FYB1: variants seen among roughly 807,000 people sequenced by gnomAD.
FYB1 encodes the protein FYN binding protein 1.
FYB1 carries 41 observed loss-of-function variants against 94.1 expected under a neutral mutation model. That is an observed-to-expected ratio of 0.44 (90% CI 0.34 to 0.57). FYB1 has a LOEUF of 0.57. Among genes scored for constraint, FYB1 ranks in the 20% least tolerant of loss-of-function variants. The probability of loss-of-function intolerance (pLI) is 0.02; values close to 1 mark genes in which losing one functional copy is unlikely to be tolerated. For synonymous variants in FYB1, 367 were observed against 353.2 expected, an observed-to-expected ratio of 1.04 and a Z score of -0.44; for missense variants, 1,050 against 976.8, an observed-to-expected ratio of 1.07 and a Z score of -1.00.
intron 1 of FYB1, among the ~76,000 whole-genome samples, chr5:39,225,246 A>T (rs1264027695): frequency 6.6e-6 from 1 of 152,174 alleles, no homozygotes; most frequent in Non-Finnish European, 1.5e-5. Context: ...ATATGTGTGT[A>T]TGGTGTGTAT....
At chr5:39,150,045 GT>G (rs1743102209) in intron 3 of FYB1, among the ~76,000 whole-genome samples, 1 of 152,006 alleles carries the variant, frequency 6.6e-6, no homozygotes, top group South Asian at 2.1e-4. Context: ...CCTCACCTTT[GT>G]TAAACAAAAC....
chr5:39,269,715 C>G (rs1752593646), intron 1 of FYB1: 1 of 152,214 alleles, frequency 6.6e-6, no homozygotes, highest in Admixed American at 6.5e-5. Context: ...TGAGCAAGCA[C>G]AGGAGTCATC....
chr5:39,265,175 A>G (rs1752376162), intron 1 of FYB1, among the ~76,000 whole-genome samples: 1 of 151,950 alleles, frequency 6.6e-6, no homozygotes, highest in African/African-American at 2.4e-5. Flanking sequence ...ATCTCTACCA[A>G]AAATACAAAA....
intron 1 of FYB1, among the ~76,000 whole-genome samples, chr5:39,207,325 G>A (rs902879507): frequency 1.3e-5 from 2 of 152,016 alleles, no homozygotes; most frequent in East Asian, 1.9e-4. Context: ...TCTCTTCATA[G>A]AAATTAATTT....
At chr5:39,143,700 C>G (rs548311404) in intron 3 of FYB1, among the ~76,000 whole-genome samples, 2 of 152,242 alleles carry the variant, frequency 1.3e-5, no homozygotes, top group Admixed American at 6.5e-5. Flanking sequence ...CTGGAAGTGA[C>G]TTTTTATCAC....
chr5:39,244,105 C>T (rs1419539509), intron 1 of FYB1, among the ~76,000 whole-genome samples: 2 of 152,052 alleles, frequency 1.3e-5, no homozygotes, highest in East Asian at 1.9e-4. Flanking sequence ...AATTTGAGTT[C>T]CTCTTTTCCT....
intron 16 of FYB1, among the ~76,000 whole-genome samples, chr5:39,118,311 C>A (rs17366147): frequency 6.6e-6 from 1 of 151,982 alleles, no homozygotes; most frequent in African/African-American, 2.4e-5. Flanking sequence ...GAAATGAAAA[C>A]AAGTGAATTT....
chr5:39,221,822 C>T (rs953929273), upstream of FYB1, among the ~76,000 whole-genome samples: 3 of 151,964 alleles, frequency 2.0e-5, no homozygotes, highest in African/African-American at 7.3e-5. Flanking sequence ...CATGGTGAAA[C>T]CCTGTTTCTA....
intron 2 of FYB1, among the ~76,000 whole-genome samples, chr5:39,183,010 G>A (rs1426745233): frequency 2.0e-5 from 3 of 152,154 alleles, no homozygotes; most frequent in African/African-American, 7.2e-5. Context: ...TCTCCTATAG[G>A]TGTCTTGTTT....
intron 14 of FYB1, among the ~76,000 whole-genome samples, chr5:39,120,950 C>A (rs1740036821): frequency 2.0e-5 from 3 of 151,738 alleles, no homozygotes; most frequent in Non-Finnish European, 2.9e-5. Context: ...GTTAGAAATG[C>A]CCTACAAGCT....
rs112070279 is a variant in FYB1 at position 39,111,911 on chromosome 5, G to A, written c.2402-1522C>T. ...TCAATTAATGCAAAAGTAGCAAAAA[G>A]TATTAATGTAAGAACACCTACAATT... On this transcript the variant is annotated intron_variant, in intron 16 of 18. Coordinates refer to ENST00000512982, the MANE Select transcript of FYB1 (RefSeq NM_001465.6). 6.7e-3 allele frequency among the ~76,000 whole-genome samples: 1,018 copies of A among 151,980 alleles called. 20 individuals are homozygous for A. Among genetic ancestry groups the A allele is most frequent in the African/African-American group, 0.023 (973 of 41,532 alleles).
intron 9 of FYB1, among the ~76,000 whole-genome samples, 200 bp from the exon 10 acceptor site, chr5:39,130,812 AAAC>A (rs1188234366): frequency 1.3e-5 from 2 of 152,144 alleles, no homozygotes; most frequent in African/African-American, 2.4e-5. Context: ...AAACAAATAA[AAAC>A]AACAAGAATT....
intron 2 of FYB1, among the ~76,000 whole-genome samples, chr5:39,184,849 T>C (rs1200140164): frequency 6.6e-6 from 1 of 152,170 alleles, no homozygotes; most frequent in African/African-American, 2.4e-5. Context: ...CAAGAGATGA[T>C]GCACAACCTG....
At chr5:39,246,622 G>C (rs1751487857) in intron 1 of FYB1, among the ~76,000 whole-genome samples, 1 of 152,148 alleles carries the variant, frequency 6.6e-6, no homozygotes, top group Admixed American at 6.5e-5. Context: ...ATAGTTCTGA[G>C]AGTTGAAAGT....
At chr5:39,136,257 T>G (rs1211673009) in intron 7 of FYB1, among the ~76,000 whole-genome samples, 5 of 151,804 alleles carry the variant, frequency 3.3e-5, no homozygotes, top group Non-Finnish European at 7.4e-5. Flanking sequence ...TTTTAGTAGA[T>G]ACTGAGTTTC....
At chr5:39,222,486 C>A (rs1435073844), upstream of FYB1, among the ~76,000 whole-genome samples, 1 of 152,172 alleles carries the variant, frequency 6.6e-6, no homozygotes, top group Non-Finnish European at 1.5e-5. Context: ...ATCTCTCAGC[C>A]TCTGTGTCCT....
At chr5:39,188,776 G>T (rs946135465) in intron 2 of FYB1, among the ~76,000 whole-genome samples, 4 of 151,794 alleles carry the variant, frequency 2.6e-5, no homozygotes, top group Non-Finnish European at 5.9e-5. Flanking sequence ...CAGGTAATCC[G>T]CCCGTCTCAG....
chr5:39,204,646 G>A (rs887109499), intron 1 of FYB1, among the ~76,000 whole-genome samples: 1 of 152,092 alleles, frequency 6.6e-6, no homozygotes, highest in African/African-American at 2.4e-5. Context: ...ACCTAGACCA[G>A]GGCCTGGCTC....
chr5:39,232,669 A>G (rs1234841578), intron 1 of FYB1, among the ~76,000 whole-genome samples: 1 of 150,716 alleles, frequency 6.6e-6, no homozygotes, highest in South Asian at 2.1e-4. Flanking sequence ...TGCACCCACT[A>G]ACTCGTCATC....
Sources: allele counts gnomAD v4.1 joint callset (sites outside exome capture counted in the v4.1 genomes callset), GRCh38; gene constraint gnomAD v4.1.1; transcripts MANE v1.5; gene names NCBI Gene and HGNC (gene_info 2026-07-23, HGNC 2026-07-21).